POLRMT: variants seen among roughly 807,000 people sequenced by gnomAD.
The protein encoded by POLRMT is DNA-directed RNA polymerase, mitochondrial.
In POLRMT, 114 loss-of-function variants were observed where a neutral mutation model predicts 132.2. The observed-to-expected ratio is 0.86, with a 90% CI of 0.74 to 1.01. The LOEUF is 1.01. POLRMT is among the 50% of genes least tolerant of loss of function. POLRMT has a pLI of 0.00. For synonymous variants in POLRMT, 1,020 were observed against 773.4 expected (o/e 1.32, Z -5.29); for missense variants, 2,003 against 1,729.1 (o/e 1.16, Z -2.81).
rs761343010 is a variant in POLRMT at position 622,389 on chromosome 19, G to A, written c.1627-16C>T. 60 of 1,536,242 alleles carry A rather than the reference G, an allele frequency of 3.9e-5. No homozygotes were observed. The highest frequency in any genetic ancestry group is 4.9e-5 in the Non-Finnish European group (56 of 1,140,336). Reference sequence around the variant, plus strand: ...GCTCGGGCACCTGTAGGACAGGGCGGTCAGGGCGCTGGGCACCGGGGCCCC... The same window carrying A: ...GCTCGGGCACCTGTAGGACAGGGCGATCAGGGCGCTGGGCACCGGGGCCCC... On this transcript the variant is annotated splice_polypyrimidine_tract_variant and intron_variant, in intron 8 of 20. Transcript: ENST00000588649.
chr19:619,836 AGCCCCC>A, intron 12 of POLRMT, 71 bp from the exon 13 acceptor site: 3 of 1,551,444 alleles, frequency 1.9e-6, no homozygotes, highest in South Asian at 1.2e-5. Flanking sequence ...GCACCCATGA[AGCCCCC>A]GCCCCAGCCC....
intron 13 of POLRMT, 108 bp downstream of exon 13, chr19:619,477 TG>T: frequency 2.0e-6 from 3 of 1,467,782 alleles, no homozygotes; most frequent in Non-Finnish European, 2.8e-6. Context: ...GCCAGTGGTC[TG>T]GGGGAGCAGC....
chr19:618,814 T>C (rs1386496000), intron 15 of POLRMT, 54 bp from the exon 16 acceptor site: 2 of 1,531,694 alleles, frequency 1.3e-6, no homozygotes, highest in Admixed American at 1.9e-5. Context: ...ACGGTGGTGG[T>C]ACATTGAGGT....
chr19:618,074 G>GC (rs1016674972), intron 17 of POLRMT: 3 of 561,436 alleles, frequency 5.3e-6, no homozygotes, highest in Non-Finnish European at 9.5e-6. Flanking sequence ...CACCCCTGCC[G>GC]CCCCCCACGC....
At chr19:619,175 G>C in intron 14 of POLRMT, 35 bp downstream of exon 14, 1 of 1,610,168 alleles carries the variant, frequency 6.2e-7, no homozygotes, top group Non-Finnish European at 8.5e-7. Flanking sequence ...CTTGCTTAGG[G>C]AGTCCTGGCC....
chr19:632,780 C>G (rs959366773), intron 2 of POLRMT, 54 bp downstream of exon 2: 2 of 1,434,716 alleles, frequency 1.4e-6, no homozygotes, highest in South Asian at 1.3e-5. Flanking sequence ...CCTTTTCTCC[C>G]GGCAGCAGGG....
chr19:627,228 T>C (rs1985090135), intron 3 of POLRMT, among the ~76,000 whole-genome samples: 1 of 147,124 alleles, frequency 6.8e-6, no homozygotes, highest in African/African-American at 2.5e-5. Flanking sequence ...CTCGGCTCAC[T>C]GCAAGCTCTG....
chr19:618,109 G>A (rs1305323345), intron 17 of POLRMT: 8 of 572,176 alleles, frequency 1.4e-5, no homozygotes, highest in Admixed American at 3.1e-5. Flanking sequence ...CAGCTCCGAG[G>A]GCGGCTACGA....
At position 621,129 on chromosome 19, in the gene POLRMT, GCGGCTCCCGCTTCTTCAACCC is replaced by G; in HGVS notation, c.2548_2568del (p.Gly850_Pro856del). 1 of 1,610,962 alleles carries G rather than the reference GCGGCTCCCGCTTCTTCAACCC, an allele frequency of 6.2e-7. No individual in the cohort carries two copies. The highest frequency in any genetic ancestry group is 8.5e-7 in the Non-Finnish European group (1 of 1,178,760). On this transcript the variant is annotated inframe_deletion, in exon 10 of 21. Coordinates refer to ENST00000588649, the MANE Select transcript of POLRMT (RefSeq NM_005035.4). ...TCCGCAAAGGCCAGGCGCTTCCGCA[GCGGCTCCCGCTTCTTCAACCC>G]CGTGAGATTGACCAGGTGGATCTTG... is the stretch of plus-strand genomic sequence containing the variant.
chr19:619,563 G>T, intron 13 of POLRMT, 23 bp downstream of exon 13: 2 of 1,610,846 alleles, frequency 1.2e-6, no homozygotes, highest in Non-Finnish European at 1.7e-6. Context: ...CAACGTGTTC[G>T]CAGCGCGACA....
intron 12 of POLRMT, 45 bp downstream of exon 12, chr19:619,913 T>A (rs2074548): frequency 3.1e-6 from 5 of 1,597,172 alleles, no homozygotes; most frequent in South Asian, 1.1e-5. Flanking sequence ...AGGGCTCACA[T>A]TGCCCCCACG....
chr19:626,966 C>T (rs917202420), intron 3 of POLRMT, among the ~76,000 whole-genome samples: 3 of 150,424 alleles, frequency 2.0e-5, no homozygotes, highest in African/African-American at 4.9e-5. Flanking sequence ...TCCTGACATC[C>T]CTGTTCTGAG....
At chr19:633,050 T>G in intron 1 of POLRMT, 112 bp from the exon 2 acceptor site, 1 of 753,498 alleles carries the variant, frequency 1.3e-6, no homozygotes, top group Non-Finnish European at 2.0e-6. Flanking sequence ...CAGCGGAAAC[T>G]CTCGGAGCAC....
rs1568179127 is a variant in POLRMT, at chr19:632,922, G to C, written c.105C>G (p.Val35=). 6.6e-7 allele frequency: 1 copy of C among 1,522,416 alleles called. No individual in the cohort carries two copies. Among genetic ancestry groups the C allele is most frequent in the Non-Finnish European group, 8.8e-7 (1 of 1,140,266 alleles). The allele number at this position is 1,522,416 out of a possible 1,614,324, so 94.3% of individuals were successfully genotyped here. A position where few individuals can be genotyped will look rare whatever the true frequency, so the allele number is the denominator to read the frequency against. Residue 35 remains valine, a synonymous_variant, in exon 2 of 21, where the codon GTC becomes GTG. Coordinates refer to ENST00000588649, the MANE Select transcript of POLRMT (RefSeq NM_005035.4). Reference sequence around the variant, plus strand: ...CGGACGAGCTCCTCCTGGGGCCGCAGACGCCACCGGCGGTCCCTGCGGGAA... The same window carrying C: ...CGGACGAGCTCCTCCTGGGGCCGCACACGCCACCGGCGGTCCCTGCGGGAA... ...LPGKEGTAGG[V]CGPRRSSSAS...
intron 13 of POLRMT, 138 bp from the exon 14 acceptor site, chr19:619,434 A>T (rs778430937): frequency 1.1e-4 from 144 of 1,347,618 alleles, no homozygotes; most frequent in Non-Finnish European, 1.4e-4. Context: ...GCGCCCACGC[A>T]GTCAGCAAGA....
At position 621,306 on chromosome 19, in the gene POLRMT, G is replaced by A. The variant is rs762096817; in HGVS notation, c.2392C>T (p.His798Tyr). ...HLRDRVFWLP[H>Y]NMDFRGRTYP... ...GTGCGGCCGCGGAAGTCCATGTTGT[G>A]CGGCAGCCAGAAGACGCGGTCCCGC... Residue 798 changes from histidine (H) to tyrosine (Y), a missense_variant, in exon 10 of 21, where the codon CAC becomes TAC. Coordinates refer to ENST00000588649, the MANE Select transcript of POLRMT (RefSeq NM_005035.4). 8 of 1,600,536 alleles carry A rather than the reference G, an allele frequency of 5.0e-6. No homozygotes were observed. The highest frequency in any genetic ancestry group is 1.3e-5 in the African/African-American group (1 of 74,656).
intron 10 of POLRMT, 143 bp from the exon 11 acceptor site, chr19:620,630 G>A (rs567399847): frequency 2.2e-5 from 24 of 1,113,436 alleles, no homozygotes; most frequent in Middle Eastern, 2.5e-4. Context: ...GCGAGAGACG[G>A]GGCGGTGGCT....
chr19:625,355 G>A (rs969057242), intron 3 of POLRMT, 101 bp from the exon 4 acceptor site: 2 of 1,509,100 alleles, frequency 1.3e-6, no homozygotes, highest in Non-Finnish European at 1.8e-6. Context: ...AGCTCAGCAG[G>A]GGACAGGGTC....
At position 617,623 on chromosome 19, in the gene POLRMT, G is replaced by A. The variant is rs199912442; in HGVS notation, c.3528C>T (p.Ser1176=). 454 of 1,612,368 alleles carry A rather than the reference G, an allele frequency of 2.8e-4. 3 individuals are homozygous for A. The East Asian group carries it at 5.9e-3, about 21-fold the overall frequency. The change falls in exon 19 of 21, where the codon AGC becomes AGT. Residue 1176 remains serine (S), a synonymous_variant. Transcript: ENST00000588649. ...TGGACAGGTCCTGCAGGATGGGCTC[G>A]CTGTGCAAGCGGACAAACTGCTCCC... The part of the protein sequence containing the change: ...VCREQFVRLH[S]EPILQDLSRF...
Sources: allele counts gnomAD v4.1 joint callset (sites outside exome capture counted in the v4.1 genomes callset), GRCh38; gene constraint gnomAD v4.1.1; transcripts MANE v1.5; gene names NCBI Gene and HGNC (gene_info 2026-07-23, HGNC 2026-07-21).